Variants in TRPM3 observed in about 807,000 individuals in gnomAD.
TRPM3 encodes long transient receptor potential channel 3.
TRPM3 carries 77 observed loss-of-function variants against 181.2 expected under a neutral mutation model. That is an observed-to-expected ratio of 0.42 (90% CI 0.35 to 0.51). TRPM3 has a LOEUF of 0.51. Ranked by LOEUF, TRPM3 falls within the 20% of genes least tolerant of loss-of-function variation. The pLI is 0.01. For synonymous variants in TRPM3, 745 were observed against 796.4 expected (o/e 0.94, Z 1.09); for missense variants, 1,759 against 2,196.7 (o/e 0.80, Z 3.98).
chr9:71,081,405 GATA>G, intron 1 of TRPM3, among the ~76,000 whole-genome samples: 1 of 152,204 alleles, frequency 6.6e-6, no homozygotes, highest in East Asian at 1.9e-4. Flanking sequence ...TAAAAAATGG[GATA>G]ATAAGAGTGG....
intron 1 of TRPM3, among the ~76,000 whole-genome samples, chr9:71,240,814 T>C (rs2081620329): frequency 6.6e-6 from 1 of 152,182 alleles, no homozygotes; most frequent in Non-Finnish European, 1.5e-5. Context: ...CTACCCATCC[T>C]AGGATTAGTC....
chr9:70,923,999 CTA>C (rs376688595), intron 1 of TRPM3, among the ~76,000 whole-genome samples: 5 of 150,368 alleles, frequency 3.3e-5, no homozygotes, highest in Non-Finnish European at 4.4e-5. Flanking sequence ...ATTTATCTAT[CTA>C]TATATATATA....
chr9:71,164,737 T>C (rs1211250177), intron 1 of TRPM3, among the ~76,000 whole-genome samples: 2 of 152,156 alleles, frequency 1.3e-5, no homozygotes, highest in African/African-American at 2.4e-5. Flanking sequence ...GTATTTGAGA[T>C]TACATAACCA....
intron 1 of TRPM3, among the ~76,000 whole-genome samples, chr9:71,114,271 C>T (rs1047927679): frequency 5.3e-5 from 8 of 151,920 alleles, no homozygotes; most frequent in African/African-American, 1.5e-4. Context: ...ACAGAAGAAC[C>T]AATAGTTAGA....
intron 22 of TRPM3, among the ~76,000 whole-genome samples, chr9:70,564,975 C>A (rs886978942): frequency 1.3e-5 from 2 of 152,102 alleles, no homozygotes; most frequent in Non-Finnish European, 1.5e-5. Flanking sequence ...CCTCTCTGTG[C>A]CCTCTGGATC....
At chr9:71,251,033 T>A (rs1215979776) in intron 1 of TRPM3, among the ~76,000 whole-genome samples, 1 of 152,146 alleles carries the variant, frequency 6.6e-6, no homozygotes, top group African/African-American at 2.4e-5. Flanking sequence ...GGAAGATGGA[T>A]AGAGAAATGG....
intron 1 of TRPM3, among the ~76,000 whole-genome samples, chr9:71,049,185 C>T (rs2059791842): frequency 1.3e-5 from 2 of 152,018 alleles, no homozygotes; most frequent in African/African-American, 4.8e-5. Flanking sequence ...TACATGACTC[C>T]ATTGACTTAC....
chr9:70,630,228 C>T (rs2065553568), intron 12 of TRPM3, among the ~76,000 whole-genome samples: 1 of 152,212 alleles, frequency 6.6e-6, no homozygotes, highest in Admixed American at 6.5e-5. Flanking sequence ...CTCTGTACCT[C>T]GGTTTATGCT....
intron 1 of TRPM3, among the ~76,000 whole-genome samples, chr9:71,362,495 C>G (rs555368752): frequency 6.6e-6 from 1 of 152,158 alleles, no homozygotes; most frequent in Non-Finnish European, 1.5e-5. Context: ...GGATACTGTA[C>G]AGTAAATAGT....
At chr9:70,968,958 A>T (rs562985520) in intron 1 of TRPM3, among the ~76,000 whole-genome samples, 1 of 152,250 alleles carries the variant, frequency 6.6e-6, no homozygotes, top group African/African-American at 2.4e-5. Flanking sequence ...ATGAGCAAAG[A>T]CTTCATGTCT....
At chr9:71,051,261 T>C (rs1188623901) in intron 1 of TRPM3, among the ~76,000 whole-genome samples, 1 of 152,230 alleles carries the variant, frequency 6.6e-6, no homozygotes, top group East Asian at 1.9e-4. Flanking sequence ...AAAATGTTTT[T>C]AAACATCTCT....
intron 1 of TRPM3, among the ~76,000 whole-genome samples, chr9:71,166,121 C>A (rs957617091): frequency 6.6e-6 from 1 of 152,082 alleles, no homozygotes; most frequent in Non-Finnish European, 1.5e-5. Flanking sequence ...AGGACACAGC[C>A]AAGTGAGGAG....
chr9:70,656,773 A>G (rs1257490044), intron 9 of TRPM3, among the ~76,000 whole-genome samples: 1 of 152,188 alleles, frequency 6.6e-6, no homozygotes, highest in Non-Finnish European at 1.5e-5. Context: ...ATGAAAATAA[A>G]TTGTAGGAAA....
rs570300080 is a variant in TRPM3 at position 70,663,043 on chromosome 9, G to A, written c.1345+18463C>T. On this transcript the variant is annotated intron_variant, in intron 9 of 25. Transcript: ENST00000677713. ...AGAAAATGCAGTATATACACACCAC[G>A]GAATATTACTCAGCCATAAAAAGGA... 1.8e-4 allele frequency among the ~76,000 whole-genome samples: 28 copies of A among 152,186 alleles called. 1 individual carries two copies. Among genetic ancestry groups the A allele is most frequent in the African/African-American group, 6.3e-4 (26 of 41,542 alleles).
intron 1 of TRPM3, among the ~76,000 whole-genome samples, chr9:71,416,400 T>C (rs1445838479): frequency 1.3e-5 from 2 of 151,950 alleles, no homozygotes; most frequent in Admixed American, 6.6e-5. Flanking sequence ...GCTGTTTTAA[T>C]GTTTTTCCCA....
chr9:71,326,510 G>A (rs576671505), intron 1 of TRPM3, among the ~76,000 whole-genome samples: 1 of 152,340 alleles, frequency 6.6e-6, no homozygotes, highest in East Asian at 1.9e-4. Context: ...TTACCTGGCT[G>A]AGCATGAGTG....
At chr9:70,903,193 A>G (rs1455418052) in intron 1 of TRPM3, among the ~76,000 whole-genome samples, 1 of 152,210 alleles carries the variant, frequency 6.6e-6, no homozygotes, top group Non-Finnish European at 1.5e-5. Flanking sequence ...CAGATATAAT[A>G]GGTCTTTTTT....
At position 70,536,194 on chromosome 9, in the gene TRPM3, G is replaced by A. The variant is rs13440436; in HGVS notation, c.4919C>T (p.Thr1640Ile). 2.0e-3 allele frequency: 3,269 copies of A among 1,614,230 alleles called. 64 individuals carry two copies. The African/African-American group carries it at 0.038, about 19-fold the overall frequency. ...GTTGGCGCGCTCTATCTTGGGAACA[G>A]TGATGTTGTTGGACAGGGTTCTCTC... ...NSERTLSNNITVPKIERANSY... is the reference protein window; with the variant it reads ...NSERTLSNNIIVPKIERANSY... Residue 1640 changes from threonine (T) to isoleucine (I), a missense_variant, in exon 26 of 26, where the codon ACT (threonine) becomes ATT (isoleucine). Around this residue, in one of 8 missense-constraint regions of TRPM3, gnomAD observed 612 missense variants for 590.0 expected, o/e 1.04. Coordinates refer to ENST00000677713, the MANE Select transcript of TRPM3 (RefSeq NM_001366145.2).
In TRPM3 at chr9:71,298,471, C is replaced by CTT. The variant is rs35085286; in HGVS notation, c.183+148180_183+148181dup. ...GGAAGGACATTCAAAATAATCTGGT[C>CTT]TTTTTTTTTTTTACATATATGAAGA... On this transcript the variant is annotated intron_variant, in intron 1 of 24. Coordinates refer to the TRPM3 transcript ENST00000357533. Among the ~76,000 whole-genome samples the CTT allele has an allele frequency of 1.3e-3, 193 of 144,226 alleles. 1 individual carries two copies. Among genetic ancestry groups the CTT allele is most frequent in the African/African-American group, 4.3e-3 (171 of 39,470 alleles). The allele number at this position is 144,226 out of a possible 152,430, so 94.6% of individuals were successfully genotyped here.
Sources: allele counts gnomAD v4.1 joint callset (sites outside exome capture counted in the v4.1 genomes callset), GRCh38; gene constraint gnomAD v4.1.1; regional missense constraint gnomAD v4.1.1; transcripts MANE v1.5; gene names NCBI Gene and HGNC (gene_info 2026-07-23, HGNC 2026-07-21).